Variants in LMTK3 observed in about 807,000 individuals in gnomAD.
LMTK3 encodes the protein lemur tail kinase 3.
Under a neutral mutation model 116.7 loss-of-function variants are expected in LMTK3, and 27 were observed. The ratio of observed to expected loss-of-function variants is 0.23; its 90% CI spans 0.17 to 0.32. The LOEUF (loss-of-function observed/expected upper bound fraction) is 0.32, where lower values mean the gene tolerates loss of function less well. Among genes scored for constraint, LMTK3 ranks in the 10% least tolerant of loss-of-function variants. The pLI, the probability that LMTK3 is intolerant of heterozygous loss-of-function variation, is 1.00. For missense variants in LMTK3, 1,764 were observed against 2,068.5 expected, an observed-to-expected ratio of 0.85 and a Z score of 2.86; for synonymous variants, 965 against 971.0, an observed-to-expected ratio of 0.99 and a Z score of 0.11.
In LMTK3 at chr19:48,501,323, T is replaced by C; in HGVS notation, c.961A>G (p.Thr321Ala). 6.2e-7 allele frequency: 1 copy of C among 1,613,390 alleles called. No homozygotes were observed. Residue 321 changes from threonine (T) to alanine (A), a missense_variant, in exon 9 of 15, where the codon ACC (threonine) becomes GCC (alanine). Physicochemically the swap from Thr to Ala is moderately conservative, Grantham distance 58 (BLOSUM62 0). Around this residue, in one of 7 missense-constraint regions of LMTK3, gnomAD observed 271 missense variants for 478.2 expected, o/e 0.57. Transcript: ENST00000600059. Reference protein sequence around the residue: ...APELLGELHGTFMVVDQSRES... With the variant: ...APELLGELHGAFMVVDQSRES... Reference sequence around the variant, plus strand: ...CGGCTCTGGTCCACCACCATGAAGGTCCCGTGGAGCTCCCCGAGGAGCTCG... The same window carrying C: ...CGGCTCTGGTCCACCACCATGAAGGCCCCGTGGAGCTCCCCGAGGAGCTCG...
intron 14 of LMTK3, among the ~76,000 whole-genome samples, chr19:48,486,186 A>G (rs1168696609): frequency 7.0e-6 from 1 of 143,754 alleles, no homozygotes; most frequent in East Asian, 2.0e-4. Flanking sequence ...CAGCCTCCCA[A>G]GTAGCTGGGA....
Position 48,493,863 on chromosome 19 carries a change from G to C in LMTK3, c.3923C>G (p.Ala1308Gly). The C allele has an allele frequency of 8.2e-7, 1 of 1,218,692 alleles. No individual in the cohort carries two copies. Among genetic ancestry groups the C allele is most frequent in the Non-Finnish European group, 1.0e-6 (1 of 979,534 alleles). 75.5% of individuals were successfully genotyped at this position (1,218,692 alleles called of 1,614,324 possible). Residue 1308 changes from alanine (A) to glycine (G), a missense_variant, in exon 12 of 15, where the codon GCA becomes GGA. Ala to Gly is a moderately conservative substitution (Grantham distance 60). Around this residue, in one of 7 missense-constraint regions of LMTK3, gnomAD observed 281 missense variants for 301.4 expected, o/e 0.93. Transcript: ENST00000600059. ...GCTCACCACGACGGGCACCGGGGCT[G>C]CTCGCGCCCTCCCGGGGCCCCGCGG... ...AGPRGPGRAR[A>G]APVPVVVSSA...
intron 7 of LMTK3, 135 bp from the exon 8 acceptor site, chr19:48,501,697 T>TCTCTCCCCTCTGACTGCTTTCA (rs1972471429): frequency 1.1e-6 from 1 of 876,408 alleles, no homozygotes; most frequent in South Asian, 1.5e-5. Flanking sequence ...CTCTGATCTG[T>TCTCTCCCCTCTGACTGCTTTCA]CTCTCCCCTC....
rs1404874041 is a variant in LMTK3, at chr19:48,491,265, C to T, written c.4229-20G>A. The T allele has an allele frequency of 1.3e-5, 18 of 1,387,864 alleles. No individual in the cohort carries two copies. Among genetic ancestry groups the T allele is most frequent in the Middle Eastern group, 2.6e-4 (1 of 3,860 alleles). The allele number at this position is 1,387,864 out of a possible 1,614,324, so 86.0% of individuals were successfully genotyped here. A position where few individuals can be genotyped will look rare whatever the true frequency, so the allele number is the denominator to read the frequency against. On this transcript the variant is annotated intron_variant, in intron 13 of 14. Coordinates refer to ENST00000600059, the MANE Select transcript of LMTK3 (RefSeq NM_001388485.1). This position sits in a 1 kb window ranked among gnomAD's most constrained non-coding sequence, Gnocchi z 5.1. ...TGCCTCCTGCGGCAGAAGGAAAGAC[C>T]GCGGTCAGGCTGCAGACACCTGCGG...
chr19:48,502,706 T>A, intron 6 of LMTK3, 125 bp from the exon 7 acceptor site: 36 of 1,162,126 alleles, frequency 3.1e-5, no homozygotes, highest in South Asian at 4.8e-5. Context: ...CCTCTGCTGC[T>A]TGCAGCAGGT....
chr19:48,486,098 C>T (rs371117520), intron 14 of LMTK3, among the ~76,000 whole-genome samples: 2,550 of 114,198 alleles, frequency 0.022, 75 homozygotes, highest in African/African-American at 0.076. Flanking sequence ...CTCGCTCTGT[C>T]GCCCAGGCTG....
Position 48,491,277 on chromosome 19 carries a change from G to C in LMTK3, c.4229-32C>G. ...CAGAAGGAAAGACCGCGGTCAGGCT[G>C]CAGACACCTGCGGCACTCCCGCCCT... On this transcript the variant is annotated intron_variant, in intron 13 of 14. Transcript: ENST00000600059. The surrounding 1 kb of genome is among the most constrained non-coding windows in gnomAD (Gnocchi z 5.1). The C allele has an allele frequency of 7.3e-7, 1 of 1,376,638 alleles. No homozygotes were observed. The highest frequency in any genetic ancestry group is 9.4e-7 in the Non-Finnish European group (1 of 1,062,952). The allele number at this position is 1,376,638 out of a possible 1,614,324, so 85.3% of individuals were successfully genotyped here. A position where few individuals can be genotyped will look rare whatever the true frequency, so the allele number is the denominator to read the frequency against.
Position 48,493,744 on chromosome 19 carries a change from G to C in LMTK3, c.4042C>G (p.Arg1348Gly). 6.4e-7 allele frequency: 1 copy of C among 1,572,600 alleles called. No individual in the cohort carries two copies. The highest frequency in any genetic ancestry group is 8.6e-7 in the Non-Finnish European group (1 of 1,160,816). The change falls in exon 12 of 15, where the codon CGC becomes GGC. Residue 1348 changes from arginine (R) to glycine (G), a missense_variant. By Grantham distance (125) the Arg-to-Gly change is moderately radical. This residue lies in a region of LMTK3 where 281 missense variants were observed against 301.4 expected (regional missense o/e 0.93). Coordinates refer to ENST00000600059, the MANE Select transcript of LMTK3 (RefSeq NM_001388485.1). ...TCCCCGTGGAAGGAGACCATCTTGC[G>C]CTTCCTCTCCAGCTCGCTGTCCTCT... ...EPEDSELERK[R>G]KMVSFHGDVT...
At chr19:48,490,360 G>C (rs1225763405) in intron 14 of LMTK3, among the ~76,000 whole-genome samples, 1 of 151,798 alleles carries the variant, frequency 6.6e-6, no homozygotes, top group East Asian at 1.9e-4. Context: ...CCTGTCTGTA[G>C]TAAAAATACA....
At chr19:48,506,011 G>A (rs1240398719) in intron 5 of LMTK3, among the ~76,000 whole-genome samples, 2 of 149,886 alleles carry the variant, frequency 1.3e-5, no homozygotes, top group African/African-American at 4.9e-5. Flanking sequence ...ATGTGGTGGT[G>A]GGCGCCTGTA....
intron 11 of LMTK3, among the ~76,000 whole-genome samples, chr19:48,496,030 C>T (rs554752455): frequency 2.6e-5 from 4 of 152,328 alleles, no homozygotes; most frequent in East Asian, 3.9e-4. Context: ...CTCAGGGCCT[C>T]GAACACAGGA....
chr19:48,509,512 G>A lies in LMTK3; in HGVS notation c.363C>T (p.Asp121=), dbSNP rs1366358917. ...PMPAPQPSHS[D]MTTPLGLSRQ... ...GGCTAAGGCCCAGGGGGGTGGTCAT[G>A]TCTGGGGAGGGCAAGAGGGGAAAGC... is the stretch of plus-strand genomic sequence containing the variant. The change falls in exon 4 of 15, where the codon GAC becomes GAT. Residue 121 remains aspartate, a splice_region_variant and synonymous_variant. Coordinates refer to ENST00000600059, the MANE Select transcript of LMTK3 (RefSeq NM_001388485.1). The A allele has an allele frequency of 5.2e-6, 8 of 1,551,820 alleles. No homozygotes were observed. The East Asian group carries it at 1.9e-4, about 38-fold the overall frequency.
chr19:48,510,470 C>T lies in LMTK3; in HGVS notation c.199G>A (p.Val67Ile), dbSNP rs369624715. The T allele has an allele frequency of 7.0e-5, 112 of 1,596,248 alleles. No homozygotes were observed. The highest frequency in any genetic ancestry group is 9.1e-5 in the Non-Finnish European group (107 of 1,171,620). Residue 67 changes from valine (V) to isoleucine (I), a missense_variant, in exon 2 of 15, where the codon GTC becomes ATC. Val to Ile is a conservative substitution (Grantham distance 29, BLOSUM62 3). Transcript: ENST00000600059. The stretch of plus-strand genomic sequence containing the variant: ...CTCATGCACCTCACCTTGAAGCCGA[C>T]ATCGCCCCGTTTGCAGCACAGACAG... ...LTCLCCKRGDVGFKEFENPEG... is the reference protein window; with the variant it reads ...LTCLCCKRGDIGFKEFENPEG...
In LMTK3 at chr19:48,498,080, G is replaced by A. The variant is rs1207674716; in HGVS notation, c.2989C>T (p.Pro997Ser). The A allele has an allele frequency of 6.2e-7, 1 of 1,612,892 alleles. No individual in the cohort carries two copies. The highest frequency in any genetic ancestry group is 1.7e-5 in the Admixed American group (1 of 59,994). Residue 997 changes from proline to serine, a missense_variant, in exon 11 of 15, where the codon CCA becomes TCA. By Grantham distance (74) the Pro-to-Ser change is moderately conservative (BLOSUM62 -1). Transcript: ENST00000600059. ...KVLVNGGLTP[P>S]KSEDKVSENG... ...TCTGACACCTTGTCCTCGCTCTTTGGGGGTGTCAGGCCCCCATTCACCAGC... is the reference window on the plus strand; with the variant it reads ...TCTGACACCTTGTCCTCGCTCTTTGAGGGTGTCAGGCCCCCATTCACCAGC...
In LMTK3 at chr19:48,508,890, A is replaced by G. The variant is rs761588635; in HGVS notation, c.518T>C (p.Leu173Pro). 3 of 1,613,668 alleles carry G rather than the reference A, an allele frequency of 1.9e-6. No individual in the cohort carries two copies. Among genetic ancestry groups the G allele is most frequent in the Non-Finnish European group, 2.5e-6 (3 of 1,179,772 alleles). Residue 173 changes from leucine to proline, a missense_variant, in exon 5 of 15, where the codon CTG becomes CCG. Physicochemically the swap from Leu to Pro is moderately conservative, Grantham distance 98. Coordinates refer to ENST00000600059, the MANE Select transcript of LMTK3 (RefSeq NM_001388485.1). ...TTCCGAGATGAACTTGCGTTGCTCCAGGGGCCCCGCGCTGGCTCGGAGCTC... is the reference window on the plus strand; with the variant it reads ...TTCCGAGATGAACTTGCGTTGCTCCGGGGGCCCCGCGCTGGCTCGGAGCTC... ...VKELRASAGP[L>P]EQRKFISEAQ...
Position 48,511,510 on chromosome 19 carries a change from C to A in LMTK3, c.67G>T (p.Ala23Ser). The change falls in exon 1 of 15, where the codon GCC becomes TCC. Residue 23 changes from alanine to serine, a missense_variant. By Grantham distance (99) the Ala-to-Ser change is moderately conservative. This residue lies in a region of LMTK3 where 66 missense variants were observed against 61.1 expected (regional missense o/e 1.08). Coordinates refer to ENST00000600059, the MANE Select transcript of LMTK3 (RefSeq NM_001388485.1). Reference protein sequence around the residue: ...VSASGCLASPAHPDGFALGRA... With the variant: ...VSASGCLASPSHPDGFALGRA... The stretch of plus-strand genomic sequence containing the variant: ...GGCCCGACAGACTCACCGGGGTGGG[C>A]CGGGGACGCCAGGCAGCCGGAGGCG... 7.2e-7 allele frequency: 1 copy of A among 1,391,006 alleles called. No homozygotes were observed. 86.2% of individuals were successfully genotyped at this position (1,391,006 alleles called of 1,614,324 possible). A position where few individuals can be genotyped will look rare whatever the true frequency, so the allele number is the denominator to read the frequency against.
In LMTK3 at chr19:48,501,548, C is replaced by T. The variant is rs1416155276; in HGVS notation, c.809G>A (p.Arg270His). 1 of 1,609,912 alleles carries T rather than the reference C, an allele frequency of 6.2e-7. No homozygotes were observed. The highest frequency in any genetic ancestry group is 8.5e-7 in the Non-Finnish European group (1 of 1,178,570). The change falls in exon 8 of 15, where the codon CGC (arginine) becomes CAC (histidine). Residue 270 changes from arginine to histidine, a missense_variant. Physicochemically the swap from Arg to His is conservative, Grantham distance 29 (BLOSUM62 0). This residue lies in a region of LMTK3 where 271 missense variants were observed against 478.2 expected (regional missense o/e 0.57). Coordinates refer to ENST00000600059, the MANE Select transcript of LMTK3 (RefSeq NM_001388485.1). The stretch of plus-strand genomic sequence containing the variant: ...CAGGTCAGAGGTCAGCAGGCAGTTG[C>T]GCAGGGCCAGGTCGCTGCGGGAAGA... ...HNYVHSDLAL[R>H]NCLLTSDLTV...
intron 5 of LMTK3, among the ~76,000 whole-genome samples, chr19:48,503,949 C>G (rs561193182): frequency 6.6e-6 from 1 of 151,216 alleles, no homozygotes; most frequent in African/African-American, 2.4e-5. Context: ...CTCACTGCAA[C>G]CTCCACCTCC....
Position 48,485,564 on chromosome 19 carries a change from G to T in LMTK3, c.*209C>A. ...CTCATTTGGCTCCGAGGGGGTCAGG[G>T]GGGTCAGGGGAGCCATCTGGGGGGC... On this transcript the variant is annotated 3_prime_UTR_variant, in exon 15 of 15. Transcript: ENST00000600059. 1 of 579,240 alleles carries T rather than the reference G, an allele frequency of 1.7e-6. No homozygotes were observed. The highest frequency in any genetic ancestry group is 3.1e-6 in the Non-Finnish European group (1 of 326,598). The allele number at this position is 579,240 out of a possible 1,614,324, so 35.9% of individuals were successfully genotyped here.
Sources: allele counts gnomAD v4.1 joint callset (sites outside exome capture counted in the v4.1 genomes callset), GRCh38; gene constraint gnomAD v4.1.1; regional missense constraint gnomAD v4.1.1; non-coding constraint Gnocchi (gnomAD v3.1); transcripts MANE v1.5; gene names NCBI Gene and HGNC (gene_info 2026-07-23, HGNC 2026-07-21).